COG6: variants seen among roughly 807,000 people sequenced by gnomAD.
The protein encoded by COG6 is component of oligomeric golgi complex 6.
Under a neutral mutation model 88.8 loss-of-function variants are expected in COG6, and 74 were observed. That is an observed-to-expected ratio of 0.83 (90% CI 0.69 to 1.01). The LOEUF (loss-of-function observed/expected upper bound fraction) is 1.01, where lower values mean the gene tolerates loss of function less well. Ranked by LOEUF, COG6 falls within the 50% of genes least tolerant of loss-of-function variation. The probability of loss-of-function intolerance (pLI) is 0.00; values close to 1 mark genes in which losing one functional copy is unlikely to be tolerated. For missense variants in COG6, 800 were observed against 797.9 expected, an observed-to-expected ratio of 1.00 and a Z score of -0.03; for synonymous variants, 286 against 278.7, an observed-to-expected ratio of 1.03 and a Z score of -0.26.
intron 18 of COG6, among the ~76,000 whole-genome samples, chr13:39,777,590 A>C (rs1881503042): frequency 6.6e-6 from 1 of 152,184 alleles, no homozygotes; most frequent in Admixed American, 6.5e-5. Flanking sequence ...CTGCCATGTG[A>C]AGAACACACA....
At chr13:39,773,059 A>G (rs1432481815) in intron 18 of COG6, among the ~76,000 whole-genome samples, 4 of 152,168 alleles carry the variant, frequency 2.6e-5, no homozygotes, top group Non-Finnish European at 5.9e-5. Flanking sequence ...GGCTTTAGAG[A>G]TGGAGGGACT....
chr13:39,674,823 G>T lies in COG6; in HGVS notation c.429-2645G>T, dbSNP rs1042209988. Among the ~76,000 whole-genome samples the T allele has an allele frequency of 2.0e-5, 3 of 152,108 alleles. No individual in the cohort carries two copies. The East Asian group carries it at 5.8e-4, about 29-fold the overall frequency. On this transcript the variant is annotated intron_variant, in intron 4 of 18. Transcript: ENST00000455146. ...ACCACTCAGTAGTCACTTAGTAGCC[G>T]TCTCAGTTATCAGATTGAAAAACAG...
At chr13:39,753,538 T>C (rs563764154), downstream of COG6, among the ~76,000 whole-genome samples, 2 of 152,262 alleles carry the variant, frequency 1.3e-5, no homozygotes, top group African/African-American at 4.8e-5. Flanking sequence ...TCCTTCATAA[T>C]TCACCAAGAA....
At chr13:39,675,988 A>C (rs1273108658) in intron 4 of COG6, among the ~76,000 whole-genome samples, 2 of 152,156 alleles carry the variant, frequency 1.3e-5, no homozygotes, top group African/African-American at 4.8e-5. Context: ...GTAATGTTTC[A>C]AGGTAATTAC....
At chr13:39,788,735 C>G (rs572082392) in exon 19 of COG6, 3 of 176,570 alleles carry the variant, frequency 1.7e-5, no homozygotes, top group Non-Finnish European at 3.6e-5. Flanking sequence ...TTCTAAATAA[C>G]TTTAGTGTTC....
chr13:39,656,549 CAT>C (rs1443944585), intron 1 of COG6, among the ~76,000 whole-genome samples: 1 of 151,960 alleles, frequency 6.6e-6, no homozygotes, highest in Non-Finnish European at 1.5e-5. Flanking sequence ...CATACCCAGC[CAT>C]CTCTTCTGTC....
chr13:39,693,161 C>T (rs1388834148), intron 11 of COG6, among the ~76,000 whole-genome samples: 1 of 151,946 alleles, frequency 6.6e-6, no homozygotes, highest in Non-Finnish European at 1.5e-5. Context: ...CCTGATTTTC[C>T]AGCCTTTCTC....
chr13:39,679,243 C>T (rs1269059167), intron 5 of COG6: 1 of 384,072 alleles, frequency 2.6e-6, no homozygotes, highest in Non-Finnish European at 4.8e-6. Context: ...TCTCACTAGA[C>T]TACGTACACT....
At chr13:39,760,566 A>C (rs957642968) in intron 18 of COG6, among the ~76,000 whole-genome samples, 41 of 152,306 alleles carry the variant, frequency 2.7e-4, no homozygotes, top group African/African-American at 9.6e-4. Flanking sequence ...TCTCCACTGA[A>C]CTATTAATAG....
chr13:39,706,263 A>ATATATATATATATATATATACTCCTT (rs1877913342), intron 13 of COG6, among the ~76,000 whole-genome samples: 2 of 142,748 alleles, frequency 1.4e-5, no homozygotes, highest in Non-Finnish European at 3.1e-5. Flanking sequence ...CTTTATATAT[A>ATATATATATATATATATATACTCCTT]TATATATATA....
chr13:39,767,530 A>G (rs955681203), intron 18 of COG6, among the ~76,000 whole-genome samples: 3 of 152,218 alleles, frequency 2.0e-5, no homozygotes, highest in Non-Finnish European at 1.5e-5. Context: ...ATGGCAGGAA[A>G]CATTGTAGTT....
intron 18 of COG6, among the ~76,000 whole-genome samples, chr13:39,767,722 C>T (rs1397052625): frequency 6.6e-6 from 1 of 152,168 alleles, no homozygotes; most frequent in African/African-American, 2.4e-5. Flanking sequence ...AAGTATTTCA[C>T]CCCTGCAGTC....
chr13:39,687,637 G>T lies in COG6; in HGVS notation c.917+6G>T, dbSNP rs763094569. 1.2e-6 allele frequency: 2 copies of T among 1,613,936 alleles called. No homozygotes were observed. The highest frequency in any genetic ancestry group is 1.7e-6 in the Non-Finnish European group (2 of 1,179,994). ...CATTCTCATGACCCTTTGAGGTATA[G>T]TAATCAGACAGCAGAAGAGGAGTTG... is the stretch of plus-strand genomic sequence containing the variant. On this transcript the variant is annotated splice_donor_region_variant and intron_variant, in intron 9 of 18. Transcript: ENST00000455146.
intron 18 of COG6, among the ~76,000 whole-genome samples, chr13:39,745,030 C>T (rs996800524): frequency 6.6e-6 from 1 of 152,172 alleles, no homozygotes; most frequent in African/African-American, 2.4e-5. Context: ...GGAAAACTGG[C>T]TAGCCAAATG....
intron 13 of COG6, among the ~76,000 whole-genome samples, chr13:39,703,063 G>A (rs1471085925): frequency 1.3e-5 from 2 of 151,914 alleles, no homozygotes; most frequent in Non-Finnish European, 2.9e-5. Context: ...CCTGAGCTCT[G>A]CTAAAGAAAA....
intron 18 of COG6, among the ~76,000 whole-genome samples, chr13:39,728,602 A>C (rs1192233274): frequency 6.6e-6 from 1 of 151,994 alleles, no homozygotes; most frequent in Non-Finnish European, 1.5e-5. Context: ...TATTTACATA[A>C]CCAGAATTCT....
intron 18 of COG6, among the ~76,000 whole-genome samples, chr13:39,732,801 T>A (rs570785143): frequency 6.6e-6 from 1 of 152,268 alleles, no homozygotes; most frequent in East Asian, 1.9e-4. Context: ...GATATCATAG[T>A]GTAATTGAAG....
chr13:39,712,740 A>T (rs1878310137), intron 13 of COG6, among the ~76,000 whole-genome samples: 1 of 152,236 alleles, frequency 6.6e-6, no homozygotes. Context: ...CCATTCATTC[A>T]CATGAACCTA....
At chr13:39,763,983 C>T (rs895336712) in intron 18 of COG6, among the ~76,000 whole-genome samples, 3 of 151,806 alleles carry the variant, frequency 2.0e-5, no homozygotes, top group Non-Finnish European at 4.4e-5. Context: ...ATTGTTATTA[C>T]TTCTTTCTTA....
Sources: gnomAD v4.1 joint callset for allele counts (sites outside exome capture counted in the v4.1 genomes callset) on GRCh38, gnomAD v4.1.1 for gene constraint, MANE v1.5 for transcripts, NCBI Gene and HGNC (gene_info 2026-07-23, HGNC 2026-07-21) for gene names.